The following PMFBP1 variants were observed in gnomAD, a reference collection of about 807,000 sequenced individuals.
PMFBP1 encodes polyamine modulated factor 1 binding protein 1.
In PMFBP1, 131 loss-of-function variants were observed where a neutral mutation model predicts 137.8. The observed-to-expected ratio is 0.95, with a 90% CI of 0.82 to 1.10. The LOEUF is 1.10. Among genes scored for constraint, PMFBP1 ranks in the 50% least tolerant of loss-of-function variants. The pLI is 0.00. For synonymous variants in PMFBP1, 490 were observed against 450.4 expected (o/e 1.09, Z -1.11); for missense variants, 1,199 against 1,175.4 (o/e 1.02, Z -0.29).
At chr16:72,123,048 G>T in intron 18 of PMFBP1, 60 bp from the exon 19 acceptor site, 1 of 1,468,920 alleles carries the variant, frequency 6.8e-7, no homozygotes, top group Non-Finnish European at 9.4e-7. Flanking sequence ...GAGCAAGGGT[G>T]CAGCTGGCTG....
chr16:72,169,963 G>A (rs2144527127), intron 2 of PMFBP1, among the ~76,000 whole-genome samples: 1 of 152,214 alleles, frequency 6.6e-6, no homozygotes, highest in African/African-American at 2.4e-5. Context: ...GGATACATAT[G>A]ACATATGTTG....
chr16:72,217,963 A>T, the PMFBP1 span, among the ~76,000 whole-genome samples: 3 of 152,244 alleles, frequency 2.0e-5, no homozygotes, highest in Admixed American at 6.5e-5. Flanking sequence ...AACTATCAAC[A>T]TGATGCCTCC....
intron 5 of PMFBP1, 150 bp from the exon 6 acceptor site, chr16:72,140,732 T>A (rs1210976505): frequency 2.9e-6 from 2 of 681,834 alleles, no homozygotes; most frequent in Non-Finnish European, 2.4e-6. Flanking sequence ...CAAAAAATAT[T>A]AACTAGTGCA....
rs1375779694 is a variant in PMFBP1 at position 72,170,095 on chromosome 16, G to GT, written c.12+1101dup. On this transcript the variant is annotated intron_variant, in intron 2 of 20. Coordinates refer to ENST00000237353, the MANE Select transcript of PMFBP1 (RefSeq NM_031293.3). ...TACTAAGAAGGTAAGCTCCATGAGA[G>GT]TAGAGATCTTTGTCTATTTTGTTCA... 2.0e-5 allele frequency among the ~76,000 whole-genome samples: 3 copies of GT among 152,160 alleles called. No individual in the cohort carries two copies. The East Asian group carries it at 5.8e-4, about 29-fold the overall frequency.
In PMFBP1 at chr16:72,132,924, A is replaced by G. The variant is rs756492066; in HGVS notation, c.1271T>C (p.Leu424Pro). ...CTCCAGCTCCTTCTCCTTTTTCAGG[A>G]GGCTGTTCTGAACCTGTGTCAGTTT... ...EKKLTQVQNS[L>P]LKKEKELEKQ... is the part of the protein sequence containing the mutation. Residue 424 changes from leucine (L) to proline (P), a missense_variant, in exon 10 of 21, where the codon CTC becomes CCC. By Grantham distance (98) the Leu-to-Pro change is moderately conservative. Transcript: ENST00000237353. The G allele has an allele frequency of 1.2e-6, 2 of 1,614,040 alleles. No homozygotes were observed. The highest frequency in any genetic ancestry group is 2.2e-5 in the East Asian group (1 of 44,896).
At chr16:72,118,155 G>C (rs2042327028), downstream of PMFBP1, among the ~76,000 whole-genome samples, 1 of 152,224 alleles carries the variant, frequency 6.6e-6, no homozygotes, top group African/African-American at 2.4e-5. Flanking sequence ...CTAGGCTGGG[G>C]ATTTTAATGG....
Position 72,150,714 on chromosome 16 carries a change from C to A in PMFBP1, c.530G>T (p.Ser177Ile), listed in dbSNP as rs773219253. 3 of 1,614,190 alleles carry A rather than the reference C, an allele frequency of 1.9e-6. No individual in the cohort carries two copies. The highest frequency in any genetic ancestry group is 2.5e-6 in the Non-Finnish European group (3 of 1,180,026). Reference protein sequence around the residue: ...AGDKIASLERSLNLYRDKYQS... With the variant: ...AGDKIASLERILNLYRDKYQS... ...GTATTTATCCCTGTAGAGGTTTAAGCTCCTCTCTAGAGAGGCGATCTTGTC... is the reference window on the plus strand; with the variant it reads ...GTATTTATCCCTGTAGAGGTTTAAGATCCTCTCTAGAGAGGCGATCTTGTC... Residue 177 changes from serine (S) to isoleucine (I), a missense_variant, in exon 5 of 21, where the codon AGC (serine) becomes ATC (isoleucine). Transcript: ENST00000237353.
intron 13 of PMFBP1, 68 bp from the exon 14 acceptor site, chr16:72,128,862 C>T (rs2042503255): frequency 2.5e-6 from 4 of 1,593,572 alleles, no homozygotes; most frequent in South Asian, 1.1e-5. Flanking sequence ...AAAAGCCCCA[C>T]TCCACCCTCC....
chr16:72,197,667 C>T, the PMFBP1 span, among the ~76,000 whole-genome samples: 1 of 152,176 alleles, frequency 6.6e-6, no homozygotes, highest in African/African-American at 2.4e-5. Context: ...TATTGACCCA[C>T]CCAGTGAGAG....
the PMFBP1 span, among the ~76,000 whole-genome samples, chr16:72,208,985 C>T: frequency 2.0e-5 from 3 of 152,148 alleles, no homozygotes; most frequent in South Asian, 2.1e-4. Flanking sequence ...CCTTTTTGAG[C>T]GTGCAAACTG....
chr16:72,212,400 CA>C, the PMFBP1 span, among the ~76,000 whole-genome samples: 3 of 151,466 alleles, frequency 2.0e-5, no homozygotes, highest in Non-Finnish European at 4.4e-5. Context: ...ATGAATGGTA[CA>C]TGTGCCAAAT....
chr16:72,233,140 G>T, the PMFBP1 span, among the ~76,000 whole-genome samples: 3 of 152,032 alleles, frequency 2.0e-5, no homozygotes, highest in African/African-American at 7.2e-5. Context: ...GTATGCACTT[G>T]AACCCCCCCA....
At chr16:72,226,483 T>A in the PMFBP1 span, among the ~76,000 whole-genome samples, 1 of 152,186 alleles carries the variant, frequency 6.6e-6, no homozygotes, top group Non-Finnish European at 1.5e-5. Flanking sequence ...TGACTGTTTC[T>A]GCCCCCATTT....
chr16:72,133,875 T>C (rs2042585712), intron 9 of PMFBP1, among the ~76,000 whole-genome samples: 1 of 152,020 alleles, frequency 6.6e-6, no homozygotes, highest in South Asian at 2.1e-4. Flanking sequence ...CCCGGAAGTA[T>C]GCAGGCCGAG....
chr16:72,197,970 T>G, the PMFBP1 span, among the ~76,000 whole-genome samples: 4 of 152,172 alleles, frequency 2.6e-5, no homozygotes, highest in Admixed American at 6.5e-5. Flanking sequence ...AACAGCTGAG[T>G]GAAAACCCAG....
chr16:72,136,753 C>T lies in PMFBP1; in HGVS notation c.985G>A (p.Val329Met). ...TCTAGTTCCACGCGCAGATCCTTCA[C>T]CAGGTTCTGGTACTCCTCCACATGC... ...CLHVEEYQNL[V>M]KDLRVELEAV... The change falls in exon 8 of 21, where the codon GTG becomes ATG. Residue 329 changes from valine to methionine, a missense_variant. Val to Met is a conservative substitution (Grantham distance 21, BLOSUM62 1). Transcript: ENST00000237353. 6.2e-7 allele frequency: 1 copy of T among 1,614,190 alleles called. No individual in the cohort carries two copies. The highest frequency in any genetic ancestry group is 1.1e-5 in the South Asian group (1 of 91,088).
intron 3 of PMFBP1, among the ~76,000 whole-genome samples, chr16:72,159,878 T>A (rs141469966): frequency 2.2e-4 from 34 of 152,028 alleles, no homozygotes; most frequent in African/African-American, 7.2e-4. Flanking sequence ...TAAACTGAGA[T>A]CTGAAGAAAA....
chr16:72,197,598 T>G, the PMFBP1 span, among the ~76,000 whole-genome samples: 1 of 152,116 alleles, frequency 6.6e-6, no homozygotes, highest in South Asian at 2.1e-4. Flanking sequence ...CCACGTTATG[T>G]CCCCGGCTGC....
chr16:72,183,097 C>G, the PMFBP1 span, among the ~76,000 whole-genome samples: 4 of 152,166 alleles, frequency 2.6e-5, no homozygotes, highest in Non-Finnish European at 5.9e-5. Flanking sequence ...CAAGACCTAC[C>G]CTTACTATAC....
Sources: gnomAD v4.1 joint callset for allele counts (sites outside exome capture counted in the v4.1 genomes callset) on GRCh38, gnomAD v4.1.1 for gene constraint, MANE v1.5 for transcripts, NCBI Gene and HGNC (gene_info 2026-07-23, HGNC 2026-07-21) for gene names.